The following CENPP variants were observed in gnomAD, a reference collection of about 807,000 sequenced individuals.
CENPP encodes centromere protein P.
Under a neutral mutation model 35.6 loss-of-function variants are expected in CENPP, and 24 were observed. That is an observed-to-expected ratio of 0.67 (90% CI 0.49 to 0.95). The LOEUF is 0.95. Ranked by LOEUF, CENPP falls within the 40% of genes least tolerant of loss-of-function variation. The probability of loss-of-function intolerance (pLI) is 0.00; values close to 1 mark genes in which losing one functional copy is unlikely to be tolerated. For missense variants in CENPP, 332 were observed against 345.3 expected (o/e 0.96, Z 0.31); for synonymous variants, 120 against 125.5 (o/e 0.96, Z 0.29).
rs187151956 is a variant in CENPP, at chr9:92,330,388, A to G, written c.108-1782A>G. ...TGGCATAGAGGAGCTAAGGCTAATC[A>G]TTTAGTGTTCCTGCAGAATGAAAGA... On this transcript the variant is annotated intron_variant, in intron 1 of 7. Transcript: ENST00000375587. Among the ~76,000 whole-genome samples, 4 of 152,338 alleles carry G rather than the reference A, an allele frequency of 2.6e-5. No individual in the cohort carries two copies. The East Asian group carries it at 7.7e-4, about 29-fold the overall frequency.
At chr9:92,403,171 G>T in intron 5 of CENPP, 1 of 1,149,730 alleles carries the variant, frequency 8.7e-7, no homozygotes. Context: ...TTCAGGAAAA[G>T]CAAAAACATG....
chr9:92,554,188 CTT>C (rs71362402), intron 5 of CENPP, among the ~76,000 whole-genome samples: 1 of 146,644 alleles, frequency 6.8e-6, no homozygotes. Flanking sequence ...GTTTTTAATT[CTT>C]TTTTTTTTTT....
At chr9:92,363,968 C>T (rs985129974) in intron 4 of CENPP, among the ~76,000 whole-genome samples, 1 of 152,068 alleles carries the variant, frequency 6.6e-6, no homozygotes, top group African/African-American at 2.4e-5. Flanking sequence ...CCCACCTCAG[C>T]CTCCTGAATA....
chr9:92,509,949 A>T, intron 5 of CENPP: 1 of 1,610,342 alleles, frequency 6.2e-7, no homozygotes, highest in Non-Finnish European at 8.5e-7. Flanking sequence ...ATTGACTTTA[A>T]GTTCTTCTAA....
intron 5 of CENPP, among the ~76,000 whole-genome samples, chr9:92,558,950 G>A (rs978219057): frequency 1.3e-5 from 2 of 151,920 alleles, no homozygotes; most frequent in African/African-American, 4.8e-5. Context: ...CAGTTCCCAC[G>A]CAAACTGCAA....
intron 5 of CENPP, among the ~76,000 whole-genome samples, chr9:92,512,782 G>A (rs189220158): frequency 2.0e-5 from 3 of 152,190 alleles, no homozygotes; most frequent in African/African-American, 7.2e-5. Context: ...TAAAAGCCAC[G>A]TGGTGACCTT....
At chr9:92,548,849 G>GT (rs1849527712) in intron 5 of CENPP, among the ~76,000 whole-genome samples, 1 of 152,092 alleles carries the variant, frequency 6.6e-6, no homozygotes, top group African/African-American at 2.4e-5. Flanking sequence ...AATCCTAGCA[G>GT]TTCACTTTTG....
chr9:92,532,002 T>G (rs1030890033), intron 5 of CENPP, among the ~76,000 whole-genome samples: 2 of 148,662 alleles, frequency 1.3e-5, no homozygotes, highest in Non-Finnish European at 3.0e-5. Flanking sequence ...TTCTTTTTCT[T>G]TTTTTATTTA....
intron 5 of CENPP, chr9:92,385,926 A>G: frequency 2.6e-6 from 2 of 775,012 alleles, no homozygotes; most frequent in Non-Finnish European, 2.1e-6. Flanking sequence ...TTAATTAGGA[A>G]ATACTCAAAT....
chr9:92,546,829 A>G (rs1354638964), intron 5 of CENPP, among the ~76,000 whole-genome samples: 1 of 152,224 alleles, frequency 6.6e-6, no homozygotes, highest in Admixed American at 6.5e-5. Flanking sequence ...AAGAAGAATC[A>G]GAAAATCTAA....
At chr9:92,448,031 T>C (rs1416486966) in intron 5 of CENPP, among the ~76,000 whole-genome samples, 1 of 152,118 alleles carries the variant, frequency 6.6e-6, no homozygotes, top group Non-Finnish European at 1.5e-5. Flanking sequence ...TTTTAGGGAA[T>C]AAAGAGAAGA....
intron 4 of CENPP, among the ~76,000 whole-genome samples, chr9:92,376,552 GT>G (rs1265217985): frequency 2.0e-5 from 3 of 152,154 alleles, no homozygotes; most frequent in African/African-American, 7.2e-5. Flanking sequence ...TCAAATGCAG[GT>G]TTTACAGATG....
At chr9:92,597,097 A>G (rs1850803131) in intron 5 of CENPP, among the ~76,000 whole-genome samples, 1 of 152,206 alleles carries the variant, frequency 6.6e-6, no homozygotes, top group African/African-American at 2.4e-5. Flanking sequence ...TATCTAGTAG[A>G]ATGTTTATAA....
intron 4 of CENPP, among the ~76,000 whole-genome samples, chr9:92,346,025 GAC>G (rs1488608438): frequency 3.3e-5 from 5 of 152,092 alleles, no homozygotes; most frequent in Non-Finnish European, 7.4e-5. Flanking sequence ...AGCAAAAAAA[GAC>G]ACAATCCTCA....
At chr9:92,556,985 AT>A (rs1849737616) in intron 5 of CENPP, among the ~76,000 whole-genome samples, 1 of 152,176 alleles carries the variant, frequency 6.6e-6, no homozygotes, top group Middle Eastern at 3.2e-3. Context: ...TTGTTTCAAG[AT>A]TTAGAGTTTC....
chr9:92,489,152 C>A (rs1254567338), intron 5 of CENPP, among the ~76,000 whole-genome samples: 5 of 152,182 alleles, frequency 3.3e-5, no homozygotes, highest in Non-Finnish European at 5.9e-5. Context: ...CTCCTGTTCA[C>A]CTTGTAGACA....
chr9:92,460,414 G>T, intron 5 of CENPP: 1 of 1,008,294 alleles, frequency 9.9e-7, no homozygotes, highest in Non-Finnish European at 1.5e-6. Context: ...TCTCTACCAG[G>T]GTCCCTGTGC....
chr9:92,437,305 G>A (rs1178940710), intron 5 of CENPP, among the ~76,000 whole-genome samples: 1 of 151,982 alleles, frequency 6.6e-6, no homozygotes, highest in Non-Finnish European at 1.5e-5. Context: ...ATTACACATT[G>A]TAAGGGTTCT....
chr9:92,431,652 G>C (rs893709376), intron 5 of CENPP, among the ~76,000 whole-genome samples: 6 of 152,028 alleles, frequency 3.9e-5, no homozygotes, highest in African/African-American at 1.5e-4. Flanking sequence ...TTGGCTCACT[G>C]CAACCTCTGC....
Sources: allele counts gnomAD v4.1 joint callset (sites outside exome capture counted in the v4.1 genomes callset), GRCh38; gene constraint gnomAD v4.1.1; transcripts MANE v1.5; gene names NCBI Gene and HGNC (gene_info 2026-07-23, HGNC 2026-07-21).